The following UNC5D variants were observed in gnomAD, a reference collection of about 807,000 sequenced individuals.
UNC5D encodes the protein unc-5 netrin receptor D.
UNC5D carries 39 observed loss-of-function variants against 105.4 expected under a neutral mutation model. That is an observed-to-expected ratio of 0.37 (90% CI 0.29 to 0.48). UNC5D has a LOEUF of 0.48. Ranked by LOEUF, UNC5D falls within the 20% of genes least tolerant of loss-of-function variation. The probability of loss-of-function intolerance (pLI) is 0.98; values close to 1 mark genes in which losing one functional copy is unlikely to be tolerated. For synonymous variants in UNC5D, 452 were observed against 450.4 expected, an observed-to-expected ratio of 1.00 and a Z score of -0.04; for missense variants, 991 against 1,202.4, an observed-to-expected ratio of 0.82 and a Z score of 2.60.
chr8:35,690,013 T>G (rs1826277856), intron 7 of UNC5D, among the ~76,000 whole-genome samples: 1 of 152,242 alleles, frequency 6.6e-6, no homozygotes, highest in African/African-American at 2.4e-5. Context: ...AAAAGATCTC[T>G]GTTAAATACC....
At chr8:35,749,063 A>G (rs1380587494) in intron 12 of UNC5D, among the ~76,000 whole-genome samples, 1 of 152,168 alleles carries the variant, frequency 6.6e-6, no homozygotes, top group Non-Finnish European at 1.5e-5. Flanking sequence ...CAGGGCAGGC[A>G]GTCTGTGTTC....
intron 1 of UNC5D, among the ~76,000 whole-genome samples, chr8:35,378,370 G>C (rs1802827029): frequency 6.6e-6 from 1 of 152,132 alleles, no homozygotes; most frequent in South Asian, 2.1e-4. Context: ...TGGGTCCTGG[G>C]CACAGCAAAA....
chr8:35,602,766 C>A (rs906852119), intron 4 of UNC5D, among the ~76,000 whole-genome samples: 1 of 152,064 alleles, frequency 6.6e-6, no homozygotes, highest in African/African-American at 2.4e-5. Context: ...TACATGTGCA[C>A]AATGTGCAGG....
At chr8:35,304,028 C>T (rs1380131774) in intron 1 of UNC5D, among the ~76,000 whole-genome samples, 1 of 152,062 alleles carries the variant, frequency 6.6e-6, no homozygotes, top group Non-Finnish European at 1.5e-5. Flanking sequence ...AAGGGACTCA[C>T]GTGGATCTCT....
intron 4 of UNC5D, among the ~76,000 whole-genome samples, chr8:35,680,586 G>T (rs1187610258): frequency 1.3e-5 from 2 of 152,022 alleles, no homozygotes; most frequent in African/African-American, 2.4e-5. Flanking sequence ...TTCCTAGTTT[G>T]TTGGCCTCGT....
intron 4 of UNC5D, among the ~76,000 whole-genome samples, chr8:35,626,809 T>C (rs1821724152): frequency 6.6e-6 from 1 of 152,304 alleles, no homozygotes; most frequent in East Asian, 1.9e-4. Context: ...TAGGGCCTAG[T>C]CTATATATGA....
At chr8:35,743,804 G>A (rs530744118) in intron 11 of UNC5D, among the ~76,000 whole-genome samples, 3 of 151,776 alleles carry the variant, frequency 2.0e-5, no homozygotes, top group Admixed American at 6.6e-5. Context: ...TTTTTTAACC[G>A]CTGTGAACAA....
chr8:35,253,907 G>A (rs1365859848), intron 1 of UNC5D, among the ~76,000 whole-genome samples: 1 of 152,050 alleles, frequency 6.6e-6, no homozygotes, highest in African/African-American at 2.4e-5. Context: ...CATATACATG[G>A]GAATTTTTTA....
chr8:35,522,148 A>G (rs1813530203), intron 1 of UNC5D, among the ~76,000 whole-genome samples: 1 of 152,198 alleles, frequency 6.6e-6, no homozygotes, highest in South Asian at 2.1e-4. Flanking sequence ...TGGTGATTCT[A>G]AAATTAACAT....
chr8:35,374,703 A>T (rs1802598751), intron 1 of UNC5D, among the ~76,000 whole-genome samples: 1 of 152,226 alleles, frequency 6.6e-6, no homozygotes, highest in African/African-American at 2.4e-5. Flanking sequence ...GAGATGGCAC[A>T]TGTATAGCCA....
At chr8:35,421,194 A>C (rs546984134) in intron 1 of UNC5D, among the ~76,000 whole-genome samples, 1 of 152,272 alleles carries the variant, frequency 6.6e-6, no homozygotes, top group Admixed American at 6.5e-5. Flanking sequence ...AGAACACAGT[A>C]GGAGTAAGTA....
chr8:35,423,055 AC>A (rs1365870309), intron 1 of UNC5D, among the ~76,000 whole-genome samples: 1 of 152,092 alleles, frequency 6.6e-6, no homozygotes, highest in African/African-American at 2.4e-5. Context: ...TCCAGTACTG[AC>A]CCCCACCAAG....
intron 1 of UNC5D, among the ~76,000 whole-genome samples, chr8:35,332,896 T>A (rs1414463513): frequency 1.1e-4 from 17 of 152,226 alleles, no homozygotes; most frequent in Non-Finnish European, 5.9e-5. Context: ...CATAGCTGCC[T>A]CTAGGAACTC....
rs536968671 is a variant in UNC5D, at chr8:35,269,905, C to A, written c.103+34018C>A. Reference sequence around the variant, plus strand: ...GGGCATGTCCATATCCATTCTGCTACATAAAATCCTGTGTTCAGTACAGCT... The same window carrying A: ...GGGCATGTCCATATCCATTCTGCTAAATAAAATCCTGTGTTCAGTACAGCT... On this transcript the variant is annotated intron_variant, in intron 1 of 16. Transcript: ENST00000404895. Among the ~76,000 whole-genome samples, 5 of 152,316 alleles carry A rather than the reference C, an allele frequency of 3.3e-5. No individual in the cohort carries two copies. The East Asian group carries it at 9.7e-4, about 29-fold the overall frequency.
Position 35,235,724 on chromosome 8 carries a change from G to C in UNC5D, c.-61G>C. 1 of 1,197,404 alleles carries C rather than the reference G, an allele frequency of 8.4e-7. No homozygotes were observed. Among genetic ancestry groups the C allele is most frequent in the Non-Finnish European group, 1.0e-6 (1 of 957,002 alleles). 74.2% of individuals were successfully genotyped at this position (1,197,404 alleles called of 1,614,324 possible). A position where few individuals can be genotyped will look rare whatever the true frequency, so the allele number is the denominator to read the frequency against. On this transcript the variant is annotated 5_prime_UTR_variant, in exon 1 of 17. Coordinates refer to ENST00000404895, the MANE Select transcript of UNC5D (RefSeq NM_080872.4). ...CATTCGACTCGGGACCCTCATCGCC[G>C]ACCCTTTCCCGGGCTCCCGGAGCGT... is the stretch of plus-strand genomic sequence containing the variant.
intron 1 of UNC5D, among the ~76,000 whole-genome samples, chr8:35,248,766 A>G (rs1803410085): frequency 1.0e-5 from 1 of 98,922 alleles, no homozygotes; most frequent in East Asian, 3.2e-4. Context: ...TATATATAAT[A>G]TATTATATAA....
chr8:35,777,651 T>C (rs1434342691), intron 16 of UNC5D, among the ~76,000 whole-genome samples: 1 of 152,182 alleles, frequency 6.6e-6, no homozygotes, highest in Non-Finnish European at 1.5e-5. Context: ...ACTCTGATGC[T>C]GTAACAGGAA....
chr8:35,603,426 G>A (rs915467242), intron 4 of UNC5D, among the ~76,000 whole-genome samples: 4 of 152,138 alleles, frequency 2.6e-5, no homozygotes, highest in Admixed American at 1.3e-4. Context: ...TATAATTTCT[G>A]TTCTTTTACA....
chr8:35,674,922 T>C (rs1825103754), intron 4 of UNC5D, among the ~76,000 whole-genome samples: 2 of 152,202 alleles, frequency 1.3e-5, no homozygotes, highest in Admixed American at 1.3e-4. Flanking sequence ...AGTGATCATG[T>C]TGTGAACTTC....
Sources: gnomAD v4.1 joint callset for allele counts (sites outside exome capture counted in the v4.1 genomes callset) on GRCh38, gnomAD v4.1.1 for gene constraint, MANE v1.5 for transcripts, NCBI Gene and HGNC (gene_info 2026-07-23, HGNC 2026-07-21) for gene names.